RAB3GAP2: variants seen among roughly 807,000 people sequenced by gnomAD.
RAB3GAP2 encodes RAB3 GTPase activating non-catalytic protein subunit 2, also known as rab3 GTPase-activating protein non-catalytic subunit.
In RAB3GAP2, 87 loss-of-function variants were observed where a neutral mutation model predicts 185.3. The ratio of observed to expected loss-of-function variants is 0.47; its 90% CI spans 0.39 to 0.56. The LOEUF (loss-of-function observed/expected upper bound fraction) is 0.56. Ranked by LOEUF, RAB3GAP2 falls within the 20% of genes least tolerant of loss-of-function variation. The pLI is 0.00. For synonymous variants in RAB3GAP2, 554 were observed against 576.1 expected (o/e 0.96, Z 0.55); for missense variants, 1,492 against 1,638.2 (o/e 0.91, Z 1.54).
intron 1 of RAB3GAP2, among the ~76,000 whole-genome samples, chr1:220,248,071 A>AGATATATATT (rs1659852586): frequency 6.6e-6 from 1 of 152,106 alleles, no homozygotes. Flanking sequence ...CTAGACACTC[A>AGATATATATT]GATATATATT....
In RAB3GAP2 at chr1:220,205,930, G is replaced by T; in HGVS notation, c.689C>A (p.Ala230Asp). The change falls in exon 8 of 35, where the codon GCT (alanine) becomes GAT (aspartate). Residue 230 changes from alanine (A) to aspartate (D), a missense_variant. Ala to Asp is a moderately radical substitution (Grantham distance 126). Around this residue, in one of 5 missense-constraint regions of RAB3GAP2, gnomAD observed 243 missense variants for 314.8 expected, o/e 0.77. Coordinates refer to ENST00000358951, the MANE Select transcript of RAB3GAP2 (RefSeq NM_012414.4). ...ACCTTTTGCTACCTGATTTCGACAA[G>T]CACGAAGAGATTGAAAAAGGCTAAA... ...DGFSLFQSLR[A>D]CRNQVAKAAA... The T allele has an allele frequency of 6.2e-7, 1 of 1,608,206 alleles. No individual in the cohort carries two copies. Among genetic ancestry groups the T allele is most frequent in the Non-Finnish European group, 8.5e-7 (1 of 1,175,076 alleles).
At chr1:220,190,264 T>A in intron 15 of RAB3GAP2, 113 bp downstream of exon 15, 1 of 1,537,874 alleles carries the variant, frequency 6.5e-7, no homozygotes, top group Non-Finnish European at 9.0e-7. Flanking sequence ...AAGATATCAG[T>A]CTAAAGACAA....
At chr1:220,257,215 A>G (rs1335483038) in intron 1 of RAB3GAP2, among the ~76,000 whole-genome samples, 1 of 152,038 alleles carries the variant, frequency 6.6e-6, no homozygotes, top group Admixed American at 6.6e-5. Flanking sequence ...TGTCTCTACT[A>G]AAAATACAAA....
At position 220,268,479 on chromosome 1, in the gene RAB3GAP2, C is replaced by T. The variant is rs533531702; in HGVS notation, c.115+3744G>A. 2.2e-4 allele frequency among the ~76,000 whole-genome samples: 34 copies of T among 152,318 alleles called. 1 individual carries two copies. The South Asian group carries it at 7.0e-3, about 32-fold the overall frequency. On this transcript the variant is annotated intron_variant, in intron 1 of 34. Coordinates refer to ENST00000358951, the MANE Select transcript of RAB3GAP2 (RefSeq NM_012414.4). ...CCCACCATCACAAAAGAGTATCTTA[C>T]CCATTGTATCACTAGCTCTGGAAAA...
In RAB3GAP2 at chr1:220,149,565, G is replaced by A. The variant is rs1297407057; in HGVS notation, c.*1686C>T. 1 of 152,270 alleles carries A rather than the reference G, an allele frequency of 6.6e-6. No individual in the cohort carries two copies. The highest frequency in any genetic ancestry group is 2.1e-4 in the South Asian group (1 of 4,830). The allele number at this position is 152,270 out of a possible 1,614,324, so 9.4% of individuals were successfully genotyped here. A position where few individuals can be genotyped will look rare whatever the true frequency, so the allele number is the denominator to read the frequency against. On this transcript the variant is annotated 3_prime_UTR_variant, in exon 35 of 35. Coordinates refer to ENST00000358951, the MANE Select transcript of RAB3GAP2 (RefSeq NM_012414.4). Reference sequence around the variant, plus strand: ...TAATCTCTTAGAAAACATATAACAAGTGACTGTTAACACAGAGCCAGATAT... The same window carrying A: ...TAATCTCTTAGAAAACATATAACAAATGACTGTTAACACAGAGCCAGATAT...
In RAB3GAP2 at chr1:220,238,268, T is replaced by C. The variant is rs531421051; in HGVS notation, c.116-5405A>G. ...CCATTTTGCCCAGGCTGGTGATGTG[T>C]GTTTTACATGTAGAGCACATCTCAG... On this transcript the variant is annotated intron_variant, in intron 1 of 34. Coordinates refer to ENST00000358951, the MANE Select transcript of RAB3GAP2 (RefSeq NM_012414.4). Among the ~76,000 whole-genome samples the C allele has an allele frequency of 2.0e-4, 31 of 152,282 alleles. 1 individual carries two copies. The highest frequency in any genetic ancestry group is 3.7e-4 in the Non-Finnish European group (25 of 68,012).
chr1:220,202,456 T>C, intron 8 of RAB3GAP2, 82 bp from the exon 9 acceptor site: 1 of 1,413,142 alleles, frequency 7.1e-7, no homozygotes, highest in East Asian at 2.3e-5. Context: ...CCATACTAAT[T>C]TGTTATTCTA....
chr1:220,211,282 A>C (rs1042294024), intron 4 of RAB3GAP2: 2 of 575,846 alleles, frequency 3.5e-6, no homozygotes, highest in African/African-American at 1.8e-5. Flanking sequence ...GCAAAACTTT[A>C]CTTACACAAC....
At chr1:220,258,970 C>T (rs183813285) in intron 1 of RAB3GAP2, among the ~76,000 whole-genome samples, 1 of 152,266 alleles carries the variant, frequency 6.6e-6, no homozygotes, top group African/African-American at 2.4e-5. Context: ...TATGAATGAA[C>T]TCCCATTCAT....
intron 1 of RAB3GAP2, among the ~76,000 whole-genome samples, chr1:220,261,932 G>C (rs959964035): frequency 2.0e-5 from 3 of 151,908 alleles, no homozygotes; most frequent in Non-Finnish European, 2.9e-5. Context: ...AAGCAGCTTT[G>C]TCGCGTTTTT....
chr1:220,179,906 G>A (rs1267553639), intron 21 of RAB3GAP2, among the ~76,000 whole-genome samples: 1 of 152,206 alleles, frequency 6.6e-6, no homozygotes, highest in Non-Finnish European at 1.5e-5. Context: ...GCTCACGCCT[G>A]TAATCCCAGC....
At chr1:220,261,259 CAA>C (rs1660132796) in intron 1 of RAB3GAP2, among the ~76,000 whole-genome samples, 1 of 152,126 alleles carries the variant, frequency 6.6e-6, no homozygotes, top group African/African-American at 2.4e-5. Flanking sequence ...CTAGGAGTTT[CAA>C]GAATTCTTCT....
intron 13 of RAB3GAP2, among the ~76,000 whole-genome samples, chr1:220,191,557 G>A (rs1658620880): frequency 6.6e-6 from 1 of 152,094 alleles, no homozygotes; most frequent in African/African-American, 2.4e-5. Flanking sequence ...AGTGGGTCAT[G>A]CCTGTAATTC....
intron 1 of RAB3GAP2, among the ~76,000 whole-genome samples, chr1:220,249,280 G>A (rs918849708): frequency 1.3e-5 from 2 of 152,118 alleles, no homozygotes; most frequent in African/African-American, 4.8e-5. Flanking sequence ...TTACCAAAAT[G>A]GTGACAGTGA....
intron 1 of RAB3GAP2, among the ~76,000 whole-genome samples, chr1:220,244,098 T>G (rs1659753535): frequency 6.6e-6 from 1 of 152,106 alleles, no homozygotes; most frequent in African/African-American, 2.4e-5. Context: ...GCCATCCAAA[T>G]TGGAAAAGAG....
In RAB3GAP2 at chr1:220,151,539, G is replaced by C. The variant is rs183739356; in HGVS notation, c.4026+67C>G. The C allele has an allele frequency of 4.9e-4, 781 of 1,585,664 alleles. 3 individuals are homozygous for C. In the African/African-American group the frequency reaches 9.7e-3, roughly 20 times the overall value. On this transcript the variant is annotated intron_variant, in intron 34 of 34. Coordinates refer to ENST00000358951, the MANE Select transcript of RAB3GAP2 (RefSeq NM_012414.4). ...AACTTGTCAAATTTTCTTCATAACT[G>C]TTATTAACCAGGCACTCAAGAAAAC...
In RAB3GAP2 at chr1:220,149,569, C is replaced by CTGTT. The variant is rs1368929343; in HGVS notation, c.*1678_*1681dup. The CTGTT allele has an allele frequency of 2.0e-5, 3 of 152,148 alleles. No homozygotes were observed. The highest frequency in any genetic ancestry group is 1.9e-4 in the East Asian group (1 of 5,194). The allele number at this position is 152,148 out of a possible 1,614,324, so 9.4% of individuals were successfully genotyped here. On this transcript the variant is annotated 3_prime_UTR_variant, in exon 35 of 35. Coordinates refer to ENST00000358951, the MANE Select transcript of RAB3GAP2 (RefSeq NM_012414.4). ...CTCTTAGAAAACATATAACAAGTGACTGTTAACACAGAGCCAGATATGTTT... is the reference window on the plus strand; with the variant it reads ...CTCTTAGAAAACATATAACAAGTGACTGTTTGTTAACACAGAGCCAGATATGTTT...
chr1:220,240,265 C>A (rs561793912), intron 1 of RAB3GAP2, among the ~76,000 whole-genome samples: 3 of 152,134 alleles, frequency 2.0e-5, no homozygotes, highest in Admixed American at 6.5e-5. Context: ...AGCGTTCCAG[C>A]AATAAGGAAA....
intron 30 of RAB3GAP2, 138 bp from the exon 31 acceptor site, chr1:220,157,626 C>A (rs1429358961): frequency 1.9e-6 from 2 of 1,076,834 alleles, no homozygotes; most frequent in Non-Finnish European, 1.4e-6. Flanking sequence ...AACACAAAGT[C>A]TAATTTCAAT....
Sources: gnomAD v4.1 joint callset for allele counts (sites outside exome capture counted in the v4.1 genomes callset) on GRCh38, gnomAD v4.1.1 for gene constraint, gnomAD v4.1.1 regional missense constraint, MANE v1.5 for transcripts, NCBI Gene and HGNC (gene_info 2026-07-23, HGNC 2026-07-21) for gene names.